VPS53: variants seen among roughly 807,000 people sequenced by gnomAD.
The protein encoded by VPS53 is vacuolar protein sorting-associated protein 53 homolog.
A neutral mutation model predicts 107.0 loss-of-function variants in VPS53; 70 were observed. The ratio of observed to expected loss-of-function variants is 0.65; its 90% CI spans 0.54 to 0.80. VPS53 has a LOEUF of 0.80. Among genes scored for constraint, VPS53 ranks in the 30% least tolerant of loss-of-function variants. The probability of loss-of-function intolerance (pLI) is 0.00; values close to 1 mark genes in which losing one functional copy is unlikely to be tolerated. For synonymous variants in VPS53, 409 were observed against 393.3 expected (o/e 1.04, Z -0.47); for missense variants, 917 against 1,049.4 (o/e 0.87, Z 1.74).
intron 12 of VPS53, among the ~76,000 whole-genome samples, chr17:600,615 G>C (rs573352113): frequency 2.0e-5 from 3 of 152,264 alleles, no homozygotes; most frequent in African/African-American, 7.2e-5. Context: ...TTCTATTCCT[G>C]AGATTCAGTT....
intron 17 of VPS53, among the ~76,000 whole-genome samples, chr17:542,142 G>GTAA: frequency 6.6e-6 from 1 of 152,342 alleles, no homozygotes; most frequent in South Asian, 2.1e-4. Context: ...CACCTACCAC[G>GTAA]TAACAGGTGC....
intron 7 of VPS53, among the ~76,000 whole-genome samples, chr17:638,483 G>A (rs1046895219): frequency 3.6e-4 from 55 of 152,134 alleles, no homozygotes; most frequent in Middle Eastern, 3.2e-3. Context: ...TATTTTGCTC[G>A]TTAATTGATG....
Position 601,850 on chromosome 17 carries a change from T to G in VPS53, c.1163A>C (p.Asp388Ala). The G allele has an allele frequency of 6.2e-7, 1 of 1,603,562 alleles. No individual in the cohort carries two copies. Among genetic ancestry groups the G allele is most frequent in the Non-Finnish European group, 8.5e-7 (1 of 1,174,526 alleles). The change falls in exon 12 of 22, where the codon GAT becomes GCT. Residue 388 changes from aspartate (D) to alanine (A), a missense_variant. By Grantham distance (126) the Asp-to-Ala change is moderately radical. Coordinates refer to ENST00000437048, the MANE Select transcript of VPS53 (RefSeq NM_001128159.3). ...TTCCTCCATCTCTGGTGTTGGCTCA[T>G]CTTCCAGGAAGGGATTGGTAGATGG... ...PPPSTNPFLE[D>A]EPTPEMEELA...
intron 11 of VPS53, among the ~76,000 whole-genome samples, chr17:610,345 CAT>C (rs1968803894): frequency 6.6e-6 from 1 of 152,082 alleles, no homozygotes; most frequent in South Asian, 2.1e-4. Context: ...AGCATATTTT[CAT>C]ATGTGTGTGT....
intron 4 of VPS53, among the ~76,000 whole-genome samples, chr17:665,066 A>C (rs1971623687): frequency 6.6e-6 from 1 of 152,162 alleles, no homozygotes; most frequent in Non-Finnish European, 1.5e-5. Flanking sequence ...TGGAAACATA[A>C]TCCCCAATGC....
At chr17:665,302 G>A (rs948206171) in intron 4 of VPS53, among the ~76,000 whole-genome samples, 2 of 152,200 alleles carry the variant, frequency 1.3e-5, no homozygotes, top group Admixed American at 6.5e-5. Context: ...GCTCGCCGCG[G>A]GACGACGCAG....
chr17:520,036 G>C lies in VPS53; in HGVS notation c.2224-106C>G. On this transcript the variant is annotated intron_variant, in intron 20 of 21. Transcript: ENST00000437048. The surrounding 1 kb of genome is among the most constrained non-coding windows in gnomAD (Gnocchi z 4.4). Reference sequence around the variant, plus strand: ...CTCACTACCCACCGCAGGAGGAGACGGGAGCGGGCCCTTCAGGAAAACTCA... The same window carrying C: ...CTCACTACCCACCGCAGGAGGAGACCGGAGCGGGCCCTTCAGGAAAACTCA... 2 of 738,526 alleles carry C rather than the reference G, an allele frequency of 2.7e-6. No homozygotes were observed. The highest frequency in any genetic ancestry group is 4.6e-6 in the Non-Finnish European group (2 of 434,122). The allele number at this position is 738,526 out of a possible 1,614,324, so 45.7% of individuals were successfully genotyped here.
Position 656,354 on chromosome 17 carries a change from A to C in VPS53, c.373-401T>G, listed in dbSNP as rs1971187016. On this transcript the variant is annotated intron_variant, in intron 5 of 21. Transcript: ENST00000437048. ...TATAAAACACCTATCAGTCAGTACT[A>C]GGTACTCAGACGGTCTTTACTAATG... is the stretch of plus-strand genomic sequence containing the variant. 2.0e-5 allele frequency among the ~76,000 whole-genome samples: 3 copies of C among 152,196 alleles called. No individual in the cohort carries two copies. The South Asian group carries it at 6.2e-4, about 32-fold the overall frequency.
Position 546,960 on chromosome 17 carries a change from C to T in VPS53, c.1866+4912G>A, listed in dbSNP as rs1911258234. ...TGCAATCTTGGCTCACTGCAATCTC[C>T]ACCTCCCAGGTTCAAGCCATTCTCC... is the stretch of plus-strand genomic sequence containing the variant. On this transcript the variant is annotated intron_variant, in intron 17 of 21. Transcript: ENST00000437048. Among the ~76,000 whole-genome samples, 3 of 150,192 alleles carry T rather than the reference C, an allele frequency of 2.0e-5. No individual in the cohort carries two copies. The Admixed American group carries it at 2.0e-4, about 10-fold the overall frequency.
intron 11 of VPS53, among the ~76,000 whole-genome samples, chr17:622,170 C>T (rs1969494512): frequency 6.6e-6 from 1 of 151,878 alleles, no homozygotes; most frequent in Admixed American, 6.6e-5. Flanking sequence ...CGATATCGCC[C>T]CACTGCACTC....
intron 18 of VPS53, among the ~76,000 whole-genome samples, chr17:533,597 C>A (rs920695075): frequency 1.3e-5 from 2 of 152,218 alleles, no homozygotes; most frequent in African/African-American, 4.8e-5. Context: ...CTCTCAGATC[C>A]TGTTCAACGG....
At chr17:647,870 A>G (rs1040287718) in intron 7 of VPS53, among the ~76,000 whole-genome samples, 13 of 152,232 alleles carry the variant, frequency 8.5e-5, no homozygotes, top group African/African-American at 3.1e-4. Flanking sequence ...AGGAAGGATG[A>G]CAGAAAATCA....
intron 4 of VPS53, among the ~76,000 whole-genome samples, chr17:668,356 G>A (rs1971786982): frequency 6.6e-6 from 1 of 152,132 alleles, no homozygotes; most frequent in Admixed American, 6.6e-5. Context: ...AAGTATCATG[G>A]TGCACCTGTA....
Position 527,523 on chromosome 17 carries a change from A to G in VPS53, c.2085+5319T>C, listed in dbSNP as rs557923060. Among the ~76,000 whole-genome samples, 28 of 152,306 alleles carry G rather than the reference A, an allele frequency of 1.8e-4. No individual in the cohort carries two copies. The South Asian group carries it at 5.0e-3, about 27-fold the overall frequency. ...TGGCTAACTGCCTAGGAGTTTTCCA[A>G]TGTGGCTGGGCTAACTTCCATTTCT... On this transcript the variant is annotated intron_variant, in intron 19 of 21. Transcript: ENST00000437048.
chr17:546,711 G>C lies in VPS53; in HGVS notation c.1866+5161C>G, dbSNP rs73292423. ...GGCTATAATTAAAAAAGGAAAACAA[G>C]TGTGGGAGAAGATGTGGAGAAACTG... On this transcript the variant is annotated intron_variant, in intron 17 of 21. Transcript: ENST00000437048. Among the ~76,000 whole-genome samples, 1,281 of 152,246 alleles carry C rather than the reference G, an allele frequency of 8.4e-3. 20 individuals carry two copies. The highest frequency in any genetic ancestry group is 0.029 in the African/African-American group (1,221 of 41,540).
chr17:642,016 G>GAGT (rs944728083), intron 7 of VPS53, among the ~76,000 whole-genome samples: 39 of 152,182 alleles, frequency 2.6e-4, no homozygotes, highest in Non-Finnish European at 2.9e-5. Flanking sequence ...TCGTAAGGGG[G>GAGT]AGTCACAGAC....
intron 17 of VPS53, among the ~76,000 whole-genome samples, chr17:551,178 G>A (rs952459003): frequency 5.3e-5 from 8 of 151,832 alleles, no homozygotes; most frequent in South Asian, 2.1e-4. Context: ...GTGCACTTAC[G>A]GAATTGACAT....
At chr17:590,632 T>A (rs1202301665) in intron 12 of VPS53, among the ~76,000 whole-genome samples, 1 of 152,164 alleles carries the variant, frequency 6.6e-6, no homozygotes, top group African/African-American at 2.4e-5. Context: ...TCTATTGAGA[T>A]AATCATGTGG....
At chr17:709,974 G>A (rs1011275659) in intron 2 of VPS53, among the ~76,000 whole-genome samples, 8 of 151,982 alleles carry the variant, frequency 5.3e-5, no homozygotes, top group Non-Finnish European at 7.4e-5. Flanking sequence ...CTGAAACCCC[G>A]TCTCTACTAA....
Sources: gnomAD v4.1 joint callset for allele counts (sites outside exome capture counted in the v4.1 genomes callset) on GRCh38, gnomAD v4.1.1 for gene constraint, Gnocchi (gnomAD v3.1) non-coding constraint, MANE v1.5 for transcripts, NCBI Gene and HGNC (gene_info 2026-07-23, HGNC 2026-07-21) for gene names.